EPHA10: variants seen among roughly 807,000 people sequenced by gnomAD.
The protein encoded by EPHA10 is ephrin type-A receptor 10.
A neutral mutation model predicts 109.7 loss-of-function variants in EPHA10; 120 were observed. The observed-to-expected ratio is 1.09, with a 90% CI of 0.94 to 1.27. The LOEUF (loss-of-function observed/expected upper bound fraction) is 1.27. Among genes scored for constraint, EPHA10 ranks in the 50% most tolerant of loss-of-function variants. The probability of loss-of-function intolerance (pLI) is 0.00; values close to 1 mark genes in which losing one functional copy is unlikely to be tolerated. For synonymous variants in EPHA10, 640 were observed against 618.9 expected, an observed-to-expected ratio of 1.03 and a Z score of -0.51; for missense variants, 1,396 against 1,411.1, an observed-to-expected ratio of 0.99 and a Z score of 0.17.
At position 37,716,716 on chromosome 1, in the gene EPHA10, C is replaced by T. The variant is rs1324870538; in HGVS notation, c.*1656G>A. The T allele has an allele frequency of 4.3e-6, 1 of 232,872 alleles. No homozygotes were observed. The highest frequency in any genetic ancestry group is 8.5e-6 in the Non-Finnish European group (1 of 117,906). 14.4% of individuals were successfully genotyped at this position (232,872 alleles called of 1,614,324 possible). ...TCTCATGCTAGCCTCTCTGCATGGA[C>T]TCCTTTTGTCCGAGGCCTGCCATCT... On this transcript the variant is annotated 3_prime_UTR_variant, in exon 17 of 17. Coordinates refer to ENST00000373048, the MANE Select transcript of EPHA10 (RefSeq NM_001099439.2).
At chr1:37,720,656 C>A in intron 12 of EPHA10, 102 bp from the exon 13 acceptor site, 1 of 1,535,224 alleles carries the variant, frequency 6.5e-7, no homozygotes, top group South Asian at 1.2e-5. Flanking sequence ...TTAGTTCACC[C>A]TGTGACCACA....
intron 5 of EPHA10, among the ~76,000 whole-genome samples, chr1:37,751,009 T>C (rs566031157): frequency 6.7e-6 from 1 of 149,890 alleles, no homozygotes; most frequent in Non-Finnish European, 1.5e-5. Context: ...ATCGAGACCA[T>C]CCTGGCTAAC....
chr1:37,749,090 T>A (rs1406351652), intron 5 of EPHA10, among the ~76,000 whole-genome samples: 1 of 151,290 alleles, frequency 6.6e-6, no homozygotes. Context: ...GCCTGGCTAA[T>A]TTTTTTTATT....
At chr1:37,729,519 T>C (rs1203841274) in intron 7 of EPHA10, among the ~76,000 whole-genome samples, 1 of 151,990 alleles carries the variant, frequency 6.6e-6, no homozygotes, top group Non-Finnish European at 1.5e-5. Context: ...GCCCAGGAGT[T>C]CGAGACCAGC....
chr1:37,753,085 T>C lies in EPHA10; in HGVS notation c.1148A>G (p.Glu383Gly). ...CGGCTCGCAGGCGCCCGCCGGGCCC[T>C]CGCGGCCGCAGCGCAGGCACAGCAG... ...YSLLCLRCGR[E>G]GPAGACEPCG... The change falls in exon 5 of 17, where the codon GAG becomes GGG. Residue 383 changes from glutamate (E) to glycine (G), a missense_variant. Glu to Gly is a moderately conservative substitution (Grantham distance 98). Coordinates refer to ENST00000373048, the MANE Select transcript of EPHA10 (RefSeq NM_001099439.2). 7.6e-7 allele frequency: 1 copy of C among 1,309,700 alleles called. No homozygotes were observed. The highest frequency in any genetic ancestry group is 2.0e-5 in the South Asian group (1 of 48,894). 81.1% of individuals were successfully genotyped at this position (1,309,700 alleles called of 1,614,324 possible).
In EPHA10 at chr1:37,732,863, C is replaced by CTTTTTTTTTTTTTT. The variant is rs56226051; in HGVS notation, c.1492-1295_1492-1282dup. ...CAAATATAGCCCTTTTATACTTGTT[C>CTTTTTTTTTTTTTT]TTTTTTTTTTTTTTTTTTTTTTTTT... is the stretch of plus-strand genomic sequence containing the variant. On this transcript the variant is annotated intron_variant, in intron 6 of 16. Transcript: ENST00000373048. Among the ~76,000 whole-genome samples, 38 of 25,046 alleles carry CTTTTTTTTTTTTTT rather than the reference C, an allele frequency of 1.5e-3. 9 individuals are homozygous for CTTTTTTTTTTTTTT. The highest frequency in any genetic ancestry group is 2.0e-3 in the Non-Finnish European group (24 of 12,016). The allele number at this position is 25,046 out of a possible 152,430, so 16.4% of individuals were successfully genotyped here.
Position 37,723,307 on chromosome 1 carries a change from T to G in EPHA10, c.1834+4A>C, listed in dbSNP as rs1645832616. 2 of 1,613,882 alleles carry G rather than the reference T, an allele frequency of 1.2e-6. No homozygotes were observed. The highest frequency in any genetic ancestry group is 1.7e-5 in the Admixed American group (1 of 59,990). On this transcript the variant is annotated splice_donor_region_variant and intron_variant, in intron 9 of 16. Coordinates refer to ENST00000373048, the MANE Select transcript of EPHA10 (RefSeq NM_001099439.2). ...CCCTCCCCAGCCAGGCCCAGCCAAC[T>G]CACAGTGGAAATACAGCTCCTCTTC... is the stretch of plus-strand genomic sequence containing the variant.
chr1:37,764,053 C>A lies in EPHA10; in HGVS notation c.106+908G>T, dbSNP rs1646455445. Among the ~76,000 whole-genome samples the A allele has an allele frequency of 6.6e-6, 1 of 152,186 alleles. No homozygotes were observed. The highest frequency in any genetic ancestry group is 1.5e-5 in the Non-Finnish European group (1 of 68,036). On this transcript the variant is annotated intron_variant, in intron 1 of 16. Coordinates refer to ENST00000373048, the MANE Select transcript of EPHA10 (RefSeq NM_001099439.2). The surrounding 1 kb of genome is among the most constrained non-coding windows in gnomAD (Gnocchi z 5.8). ...CATGGATCACAGAAAATGGTTTGGA[C>A]AGCAGAGTCCGCAGACCAGAGACAG...
In EPHA10 at chr1:37,735,262, C is replaced by G. The variant is rs548534668; in HGVS notation, c.1486G>C (p.Glu496Gln). ...CCTCCCAGACACGCACTCACCTTCT[C>G]GTAGTATCGGATCTCGTACTCCGTG... ...NDTEYEIRYY[E>Q]KGQSEQTYSM... The change falls in exon 6 of 17, where the codon GAG becomes CAG. Residue 496 changes from glutamate to glutamine, a missense_variant. Glu to Gln is a conservative substitution (Grantham distance 29). Coordinates refer to ENST00000373048, the MANE Select transcript of EPHA10 (RefSeq NM_001099439.2). 6 of 1,567,058 alleles carry G rather than the reference C, an allele frequency of 3.8e-6. No homozygotes were observed. The African/African-American group carries it at 5.4e-5, about 14-fold the overall frequency.
chr1:37,739,859 C>T (rs1288469466), intron 5 of EPHA10, among the ~76,000 whole-genome samples: 1 of 151,634 alleles, frequency 6.6e-6, no homozygotes, highest in Non-Finnish European at 1.5e-5. Flanking sequence ...TTGGGAGGGC[C>T]AGGGTGGGAG....
At chr1:37,740,493 G>A (rs992924716) in intron 5 of EPHA10, among the ~76,000 whole-genome samples, 16 of 152,050 alleles carry the variant, frequency 1.1e-4, no homozygotes, top group Non-Finnish European at 5.9e-5. Flanking sequence ...TTTTAGTAGA[G>A]ACGGGGTTTC....
In EPHA10 at chr1:37,720,537, C is replaced by CAGCT; in HGVS notation, c.2222_2225dup (p.Val743AlafsTer87). On this transcript the variant is annotated frameshift_variant, in exon 13 of 17. Coordinates refer to ENST00000373048, the MANE Select transcript of EPHA10 (RefSeq NM_001099439.2). LOFTEE classifies it high-confidence loss of function. ...GCAACCCCATCAGTTGCCCAGCCAC[C>CAGCT]AGCTGCCCCTCGTGCCGCTGTGGAG... The CAGCT allele has an allele frequency of 6.2e-7, 1 of 1,611,710 alleles. No homozygotes were observed. The highest frequency in any genetic ancestry group is 1.3e-5 in the African/African-American group (1 of 74,960).
At chr1:37,745,666 T>C (rs2148352086) in intron 5 of EPHA10, among the ~76,000 whole-genome samples, 1 of 152,190 alleles carries the variant, frequency 6.6e-6, no homozygotes, top group African/African-American at 2.4e-5. Flanking sequence ...CTGGCCAATA[T>C]GGGGAAACCC....
At chr1:37,739,378 T>G (rs953276419) in intron 5 of EPHA10, among the ~76,000 whole-genome samples, 1 of 152,126 alleles carries the variant, frequency 6.6e-6, no homozygotes, top group African/African-American at 2.4e-5. Flanking sequence ...GAAAGTAGAA[T>G]AGTAGGCCAG....
chr1:37,764,980 C>A lies in EPHA10; in HGVS notation c.87G>T (p.Arg29=), dbSNP rs1292677928. The A allele has an allele frequency of 6.2e-7, 1 of 1,609,156 alleles. No individual in the cohort carries two copies. The highest frequency in any genetic ancestry group is 1.7e-5 in the Admixed American group (1 of 59,402). Residue 29 remains arginine (R), a synonymous_variant, in exon 1 of 17, where the codon CGG becomes CGT. Transcript: ENST00000373048. This position sits in a 1 kb window ranked among gnomAD's most constrained non-coding sequence, Gnocchi z 5.8. ...TCTCACCTTCCTCGGCGGTCCCAGG[C>A]CGCCAGGGTCCCAAAAGCAGCGCGA... ...LCLALLLGPW[R]PGTAEEVILL... is the part of the protein sequence containing the mutation.
chr1:37,719,763 G>T, intron 14 of EPHA10, 146 bp downstream of exon 14: 1 of 1,447,550 alleles, frequency 6.9e-7, no homozygotes, highest in Non-Finnish European at 9.5e-7. Flanking sequence ...GAAGCCTGGG[G>T]CAGTGGCCAG....
At chr1:37,726,266 C>A (rs1341017709) in intron 8 of EPHA10, among the ~76,000 whole-genome samples, 1 of 152,254 alleles carries the variant, frequency 6.6e-6, no homozygotes, top group East Asian at 1.9e-4. Flanking sequence ...CTTGTCCTGC[C>A]CTCCTGATTT....
At chr1:37,744,736 G>A (rs1468880761) in intron 5 of EPHA10, among the ~76,000 whole-genome samples, 1 of 148,418 alleles carries the variant, frequency 6.7e-6, no homozygotes, top group African/African-American at 2.5e-5. Flanking sequence ...AAACCACAGA[G>A]TGGGAGAAAA....
chr1:37,735,668 C>T (rs977809179), intron 5 of EPHA10, among the ~76,000 whole-genome samples: 5 of 152,040 alleles, frequency 3.3e-5, no homozygotes, highest in Non-Finnish European at 7.4e-5. Flanking sequence ...TGCTTGCCCA[C>T]CCCTTACAGC....
Sources: allele counts gnomAD v4.1 joint callset (sites outside exome capture counted in the v4.1 genomes callset), GRCh38; gene constraint gnomAD v4.1.1; non-coding constraint Gnocchi (gnomAD v3.1); transcripts MANE v1.5; gene names NCBI Gene and HGNC (gene_info 2026-07-23, HGNC 2026-07-21).